Variants in ROBO2 observed in about 807,000 individuals in gnomAD.
ROBO2 encodes roundabout guidance receptor 2, also known as roundabout homolog 2.
Under a neutral mutation model 160.8 loss-of-function variants are expected in ROBO2, and 53 were observed. The ratio of observed to expected loss-of-function variants is 0.33; its 90% CI spans 0.26 to 0.41. The LOEUF is 0.41. ROBO2 is among the 10% of genes least tolerant of loss of function. ROBO2 has a pLI of 1.00. For missense variants in ROBO2, 1,577 were observed against 1,722.4 expected, an observed-to-expected ratio of 0.92 and a Z score of 1.49; for synonymous variants, 664 against 611.7, an observed-to-expected ratio of 1.09 and a Z score of -1.26.
At chr3:77,049,229 C>T (rs1403999058) in intron 1 of ROBO2, among the ~76,000 whole-genome samples, 1 of 152,020 alleles carries the variant, frequency 6.6e-6, no homozygotes, top group African/African-American at 2.4e-5. Context: ...ACTTGGGAGG[C>T]TGAGATGAGA....
intron 2 of ROBO2, among the ~76,000 whole-genome samples, chr3:76,288,569 G>A (rs1366216705): frequency 6.6e-6 from 1 of 151,576 alleles, no homozygotes; most frequent in Non-Finnish European, 1.5e-5. Context: ...TCAGGTGTTT[G>A]GTTTAAAGTT....
intron 2 of ROBO2, among the ~76,000 whole-genome samples, chr3:77,451,777 T>TA (rs397712658): frequency 1.5e-4 from 23 of 151,736 alleles, no homozygotes; most frequent in East Asian, 3.9e-4. Context: ...CCTTTTTTTT[T>TA]AATTTTTTTA....
At chr3:77,570,120 T>G (rs768761483) in intron 13 of ROBO2, among the ~76,000 whole-genome samples, 2 of 151,982 alleles carry the variant, frequency 1.3e-5, no homozygotes, top group South Asian at 4.1e-4. Context: ...TTTCACAGCG[T>G]AGTAGTTTTC....
At chr3:76,045,792 G>A (rs1468005344) in intron 2 of ROBO2, among the ~76,000 whole-genome samples, 1 of 151,944 alleles carries the variant, frequency 6.6e-6, no homozygotes, top group Non-Finnish European at 1.5e-5. Flanking sequence ...CTCTGTAGCT[G>A]GTGGTGGTTT....
At chr3:76,686,690 C>T (rs1465577255) in intron 2 of ROBO2, among the ~76,000 whole-genome samples, 1 of 152,038 alleles carries the variant, frequency 6.6e-6, no homozygotes, top group Non-Finnish European at 1.5e-5. Context: ...GGTATACTGG[C>T]TCATGCCTAT....
chr3:76,664,302 C>T (rs1336496191), intron 2 of ROBO2, among the ~76,000 whole-genome samples: 1 of 152,136 alleles, frequency 6.6e-6, no homozygotes, highest in African/African-American at 2.4e-5. Flanking sequence ...TTAAAAGAAG[C>T]TGTCTTAAGT....
intron 2 of ROBO2, among the ~76,000 whole-genome samples, chr3:76,807,927 T>G (rs1250255031): frequency 6.6e-6 from 1 of 152,080 alleles, no homozygotes; most frequent in African/African-American, 2.4e-5. Context: ...AAAGGATTTA[T>G]TATTATTTTA....
intron 2 of ROBO2, among the ~76,000 whole-genome samples, chr3:76,179,848 A>T (rs1701418829): frequency 6.6e-6 from 1 of 152,140 alleles, no homozygotes; most frequent in African/African-American, 2.4e-5. Flanking sequence ...GGTAACAGTG[A>T]TAACACTTTT....
chr3:76,035,204 T>G (rs201277276), intron 2 of ROBO2, among the ~76,000 whole-genome samples: 1 of 145,626 alleles, frequency 6.9e-6, no homozygotes, highest in Admixed American at 6.8e-5. Flanking sequence ...TTTTTTTTTT[T>G]CTAAATCCTC....
At chr3:76,294,169 G>C (rs1708950737) in intron 2 of ROBO2, among the ~76,000 whole-genome samples, 1 of 152,150 alleles carries the variant, frequency 6.6e-6, no homozygotes, top group Admixed American at 6.5e-5. Context: ...ACCAGGCAGT[G>C]GGAGCAGTTA....
At chr3:77,418,083 T>TA (rs1338370978) in intron 2 of ROBO2, among the ~76,000 whole-genome samples, 1 of 152,154 alleles carries the variant, frequency 6.6e-6, no homozygotes, top group African/African-American at 2.4e-5. Flanking sequence ...AGTGATTTCT[T>TA]AAAAAAATCT....
chr3:76,605,457 T>G (rs2087575692), intron 2 of ROBO2, among the ~76,000 whole-genome samples: 1 of 152,088 alleles, frequency 6.6e-6, no homozygotes, highest in African/African-American at 2.4e-5. Flanking sequence ...TTTAAACAAG[T>G]TCATGGAAGT....
intron 2 of ROBO2, among the ~76,000 whole-genome samples, chr3:76,404,946 A>G (rs932584710): frequency 2.0e-5 from 3 of 151,744 alleles, no homozygotes; most frequent in African/African-American, 4.8e-5. Flanking sequence ...ATAATAAGGC[A>G]TAATATTAGT....
chr3:76,077,498 G>A (rs1367973829), intron 2 of ROBO2, among the ~76,000 whole-genome samples: 4 of 152,104 alleles, frequency 2.6e-5, no homozygotes, highest in Admixed American at 2.6e-4. Context: ...TGGAGATGGA[G>A]GTTGCAGTGA....
intron 2 of ROBO2, among the ~76,000 whole-genome samples, chr3:76,954,046 A>T (rs1047389835): frequency 1.3e-5 from 2 of 152,214 alleles, no homozygotes; most frequent in African/African-American, 4.8e-5. Flanking sequence ...AACGAGAGAA[A>T]ATTCAGTGAC....
chr3:77,524,165 C>T (rs1409208940), intron 6 of ROBO2, among the ~76,000 whole-genome samples: 1 of 151,152 alleles, frequency 6.6e-6, no homozygotes, highest in South Asian at 2.1e-4. Context: ...TGTAGATATT[C>T]TAGTGTGAAT....
At chr3:76,914,260 G>T (rs547093380) in intron 2 of ROBO2, among the ~76,000 whole-genome samples, 1 of 152,118 alleles carries the variant, frequency 6.6e-6, no homozygotes, top group Non-Finnish European at 1.5e-5. Flanking sequence ...ATCTACCAAG[G>T]TTATCAGCAT....
chr3:76,718,362 CATTT>C (rs1243727617), intron 2 of ROBO2, among the ~76,000 whole-genome samples: 10 of 152,206 alleles, frequency 6.6e-5, no homozygotes, highest in Non-Finnish European at 1.3e-4. Context: ...ATGAATTTTA[CATTT>C]AACATTATCT....
intron 2 of ROBO2, among the ~76,000 whole-genome samples, chr3:76,441,413 T>G (rs546150684): frequency 6.6e-6 from 1 of 152,158 alleles, no homozygotes; most frequent in Non-Finnish European, 1.5e-5. Flanking sequence ...AAGAAACTGT[T>G]GGTCGAAAGA....
Sources: gnomAD v4.1 joint callset for allele counts (sites outside exome capture counted in the v4.1 genomes callset) on GRCh38, gnomAD v4.1.1 for gene constraint, MANE v1.5 for transcripts, NCBI Gene and HGNC (gene_info 2026-07-23, HGNC 2026-07-21) for gene names.